NEGR1: variants seen among roughly 807,000 people sequenced by gnomAD.
The protein encoded by NEGR1 is IgLON family member 4.
NEGR1 carries 10 observed loss-of-function variants against 40.9 expected under a neutral mutation model. That is an observed-to-expected ratio of 0.24 (90% CI 0.15 to 0.42). The LOEUF is 0.42. NEGR1 is among the 10% of genes least tolerant of loss of function. The pLI, the probability that NEGR1 is intolerant of heterozygous loss-of-function variation, is 1.00. For synonymous variants in NEGR1, 185 were observed against 166.8 expected, an observed-to-expected ratio of 1.11 and a Z score of -0.84; for missense variants, 352 against 438.9, an observed-to-expected ratio of 0.80 and a Z score of 1.77.
chr1:71,599,242 C>T (rs1300984463), intron 5 of NEGR1, among the ~76,000 whole-genome samples: 1 of 151,878 alleles, frequency 6.6e-6, no homozygotes, highest in Non-Finnish European at 1.5e-5. Flanking sequence ...AGTCTTTTTC[C>T]TAGAACAGAT....
chr1:72,071,364 T>C (rs1647454194), intron 1 of NEGR1, among the ~76,000 whole-genome samples: 1 of 152,122 alleles, frequency 6.6e-6, no homozygotes, highest in African/African-American at 2.4e-5. Flanking sequence ...TTTGAATATA[T>C]ATTCCAGCCT....
intron 1 of NEGR1, among the ~76,000 whole-genome samples, chr1:72,168,007 T>TA (rs34738636): frequency 0.28 from 18,989 of 68,520 alleles, 1,331 homozygotes; most frequent in South Asian, 0.43. Context: ...TTATTATTAT[T>TA]TTTTTTTTTT....
At chr1:71,652,887 C>T (rs979407232) in intron 4 of NEGR1, among the ~76,000 whole-genome samples, 2 of 151,878 alleles carry the variant, frequency 1.3e-5, no homozygotes, top group African/African-American at 2.4e-5. Flanking sequence ...AGTTTGCCAC[C>T]CCCTGTTCTA....
In NEGR1 at chr1:71,466,642, G is replaced by T. The variant is rs530111092; in HGVS notation, c.941-59072C>A. 3.9e-4 allele frequency among the ~76,000 whole-genome samples: 59 copies of T among 152,150 alleles called. 1 individual carries two copies. Among genetic ancestry groups the T allele is most frequent in the African/African-American group, 1.4e-3 (58 of 41,532 alleles). The stretch of plus-strand genomic sequence containing the variant: ...TGAGGAAAAGAGTCATGTGGTATTT[G>T]GATAAAGAATGCTGCAAGCAGAGAG... On this transcript the variant is annotated intron_variant, in intron 6 of 6. Transcript: ENST00000357731.
At chr1:71,417,726 T>A (rs1002336341) in intron 6 of NEGR1, among the ~76,000 whole-genome samples, 4 of 152,222 alleles carry the variant, frequency 2.6e-5, no homozygotes, top group Non-Finnish European at 5.9e-5. Flanking sequence ...TCTAGTGTTA[T>A]GATAAGCAAA....
At chr1:71,687,752 A>G (rs1406575380) in intron 4 of NEGR1, among the ~76,000 whole-genome samples, 3 of 152,154 alleles carry the variant, frequency 2.0e-5, no homozygotes, top group Non-Finnish European at 4.4e-5. Flanking sequence ...AGAGTTTACT[A>G]TCTTTCTAAA....
At chr1:71,601,966 A>T (rs72677166) in intron 5 of NEGR1, among the ~76,000 whole-genome samples, 4,980 of 152,170 alleles carry the variant, frequency 0.033, 90 homozygotes, top group African/African-American at 0.046. Flanking sequence ...ATAAATAAAT[A>T]AATTAATTAA....
In NEGR1 at chr1:71,579,014, C is replaced by T. The variant is rs192021968; in HGVS notation, c.940+13803G>A. Among the ~76,000 whole-genome samples, 3 of 152,270 alleles carry T rather than the reference C, an allele frequency of 2.0e-5. No individual in the cohort carries two copies. The East Asian group carries it at 5.8e-4, about 29-fold the overall frequency. On this transcript the variant is annotated intron_variant, in intron 6 of 6. Transcript: ENST00000357731. ...GGATAATTTCACATGCATTATGACA[C>T]AGCTTACGAACCAAAGCATTACAGT...
chr1:71,697,293 G>A (rs1025434540), intron 4 of NEGR1, among the ~76,000 whole-genome samples: 2 of 151,722 alleles, frequency 1.3e-5, no homozygotes, highest in Non-Finnish European at 3.0e-5. Flanking sequence ...AAGTTAAACA[G>A]TATGAACATT....
At chr1:71,800,185 G>C (rs1452748173) in intron 2 of NEGR1, among the ~76,000 whole-genome samples, 1 of 152,094 alleles carries the variant, frequency 6.6e-6, no homozygotes, top group Non-Finnish European at 1.5e-5. Context: ...CCCACTTTTT[G>C]ATGGGATTGT....
At position 72,155,488 on chromosome 1, in the gene NEGR1, C is replaced by T. The variant is rs566382117; in HGVS notation, c.176+126831G>A. 1.3e-5 allele frequency among the ~76,000 whole-genome samples: 2 copies of T among 151,840 alleles called. 1 individual carries two copies. Among genetic ancestry groups the T allele is most frequent in the South Asian group, 4.2e-4 (2 of 4,800 alleles). ...TTATACCTAGTAATTTAATCATGACCCAAATTCTCAAAAAAAGATGCATTA... is the reference window on the plus strand; with the variant it reads ...TTATACCTAGTAATTTAATCATGACTCAAATTCTCAAAAAAAGATGCATTA... On this transcript the variant is annotated intron_variant, in intron 1 of 6. Coordinates refer to ENST00000357731, the MANE Select transcript of NEGR1 (RefSeq NM_173808.3).
At chr1:72,276,028 T>C (rs185820218) in intron 1 of NEGR1, among the ~76,000 whole-genome samples, 1 of 152,160 alleles carries the variant, frequency 6.6e-6, no homozygotes, top group East Asian at 1.9e-4. Context: ...CCCAAGGATC[T>C]AGAGGCTGCA....
At chr1:71,637,999 A>C (rs541394792) in intron 4 of NEGR1, among the ~76,000 whole-genome samples, 2 of 152,032 alleles carry the variant, frequency 1.3e-5, no homozygotes, top group Non-Finnish European at 2.9e-5. Context: ...TATTTTTATC[A>C]TTTAGATGAG....
At chr1:71,930,942 GT>G in intron 2 of NEGR1, among the ~76,000 whole-genome samples, 1 of 152,178 alleles carries the variant, frequency 6.6e-6, no homozygotes, top group Non-Finnish European at 1.5e-5. Flanking sequence ...GCCTCAAGCA[GT>G]CATTGGGTGT....
chr1:72,246,830 G>C (rs1246714760), intron 1 of NEGR1, among the ~76,000 whole-genome samples: 1 of 152,196 alleles, frequency 6.6e-6, no homozygotes, highest in African/African-American at 2.4e-5. Flanking sequence ...CCTTACAAAG[G>C]CTTCTTTCTG....
At chr1:71,669,654 C>A (rs181394409) in intron 4 of NEGR1, among the ~76,000 whole-genome samples, 3 of 150,464 alleles carry the variant, frequency 2.0e-5, no homozygotes, top group Non-Finnish European at 4.4e-5. Context: ...TTTAATGCTA[C>A]GTAACTTTTT....
intron 1 of NEGR1, among the ~76,000 whole-genome samples, chr1:72,085,948 G>A (rs1323989249): frequency 7.6e-6 from 1 of 131,562 alleles, no homozygotes; most frequent in Non-Finnish European, 1.6e-5. Flanking sequence ...CCAGCCTGGC[G>A]ACAGAGTGAG....
intron 6 of NEGR1, among the ~76,000 whole-genome samples, chr1:71,477,727 G>A (rs1458503324): frequency 6.6e-6 from 1 of 151,948 alleles, no homozygotes; most frequent in East Asian, 1.9e-4. Flanking sequence ...TTGAAACTCC[G>A]TGGCCCTTTT....
At chr1:71,830,859 C>G (rs542011563) in intron 2 of NEGR1, among the ~76,000 whole-genome samples, 4 of 151,698 alleles carry the variant, frequency 2.6e-5, no homozygotes, top group South Asian at 4.2e-4. Context: ...ATTTATCACA[C>G]GCAATACATA....
Sources: gnomAD v4.1 joint callset for allele counts (sites outside exome capture counted in the v4.1 genomes callset) on GRCh38, gnomAD v4.1.1 for gene constraint, MANE v1.5 for transcripts, NCBI Gene and HGNC (gene_info 2026-07-23, HGNC 2026-07-21) for gene names.